Variants in YAP1 observed in about 807,000 individuals in gnomAD.
The protein encoded by YAP1 is Yes1 associated transcriptional regulator.
A neutral mutation model predicts 56.9 loss-of-function variants in YAP1; 5 were observed. The observed-to-expected ratio is 0.09, with a 90% CI of 0.05 to 0.18. YAP1 has a LOEUF of 0.18. YAP1 is among the 10% of genes least tolerant of loss of function. YAP1 has a pLI of 1.00. For missense variants in YAP1, 539 were observed against 651.8 expected, an observed-to-expected ratio of 0.83 and a Z score of 1.88; for synonymous variants, 265 against 248.1, an observed-to-expected ratio of 1.07 and a Z score of -0.64.
At chr11:102,188,547 A>T (rs1291501938) in intron 4 of YAP1, among the ~76,000 whole-genome samples, 1 of 152,198 alleles carries the variant, frequency 6.6e-6, no homozygotes, top group African/African-American at 2.4e-5. Context: ...GTGGTCCTAT[A>T]TGATTCTAAT....
At chr11:102,189,469 G>T (rs1948162119) in intron 4 of YAP1, among the ~76,000 whole-genome samples, 3 of 152,180 alleles carry the variant, frequency 2.0e-5, no homozygotes, top group Admixed American at 2.0e-4. Context: ...AATAAGTGCT[G>T]ATGGCACCAC....
intron 2 of YAP1, among the ~76,000 whole-genome samples, chr11:102,125,350 T>C (rs568127538): frequency 4.4e-4 from 47 of 107,724 alleles, no homozygotes; most frequent in African/African-American, 1.3e-3. Flanking sequence ...AAAAGCTATT[T>C]CTCATTCTTT....
At chr11:102,122,378 T>A (rs1943711746) in intron 2 of YAP1, among the ~76,000 whole-genome samples, 1 of 150,362 alleles carries the variant, frequency 6.7e-6, no homozygotes, top group Non-Finnish European at 1.5e-5. Flanking sequence ...TGAGCCAACA[T>A]CACGCCACTG....
chr11:102,183,796 G>A (rs1383600609), intron 3 of YAP1, among the ~76,000 whole-genome samples: 1 of 151,824 alleles, frequency 6.6e-6, no homozygotes, highest in Non-Finnish European at 1.5e-5. Flanking sequence ...TACAATGAGG[G>A]CCGGGCGCGG....
chr11:102,206,113 G>T, intron 5 of YAP1, 39 bp downstream of exon 5: 1 of 1,576,186 alleles, frequency 6.3e-7, no homozygotes, highest in Non-Finnish European at 8.6e-7. Context: ...CCACTTTTGG[G>T]GGTTTGTTTT....
chr11:102,138,044 C>T (rs1162596007), intron 2 of YAP1, among the ~76,000 whole-genome samples: 1 of 152,142 alleles, frequency 6.6e-6, no homozygotes, highest in African/African-American at 2.4e-5. Context: ...CGTGCCACCA[C>T]GCCTGGCTAA....
intron 3 of YAP1, among the ~76,000 whole-genome samples, chr11:102,169,137 T>A (rs192951609): frequency 1.3e-5 from 2 of 152,340 alleles, no homozygotes; most frequent in African/African-American, 4.8e-5. Flanking sequence ...TCTACCTGTA[T>A]TCTTCACTTA....
At chr11:102,155,172 G>A (rs1468528988) in intron 2 of YAP1, among the ~76,000 whole-genome samples, 1 of 152,030 alleles carries the variant, frequency 6.6e-6, no homozygotes, top group African/African-American at 2.4e-5. Flanking sequence ...GATTGTGGAA[G>A]GCCCTGAAAG....
rs1591487374 is a variant in YAP1, at chr11:102,230,096, G to C, written c.*156G>C. ...TTAATCCTCTATTTTGCTCTTCCTT[G>C]TCCATTGCTGCTGTTAATGTATTGC... On this transcript the variant is annotated 3_prime_UTR_variant, in exon 9 of 9. Transcript: ENST00000282441. The C allele has an allele frequency of 2.9e-5, 19 of 645,570 alleles. No homozygotes were observed. The East Asian group carries it at 4.9e-4, about 17-fold the overall frequency. The allele number at this position is 645,570 out of a possible 1,614,324, so 40.0% of individuals were successfully genotyped here.
intron 4 of YAP1, among the ~76,000 whole-genome samples, chr11:102,203,711 A>G (rs1467065339): frequency 6.6e-6 from 1 of 152,250 alleles, no homozygotes; most frequent in Non-Finnish European, 1.5e-5. Flanking sequence ...GAAACATAAA[A>G]ATATATTCCA....
intron 4 of YAP1, among the ~76,000 whole-genome samples, chr11:102,198,386 T>G (rs1391909203): frequency 6.6e-6 from 1 of 152,192 alleles, no homozygotes; most frequent in Non-Finnish European, 1.5e-5. Flanking sequence ...CACTTTATTT[T>G]TGTGTAATTT....
At chr11:102,118,609 GGT>G (rs1245840304) in intron 2 of YAP1, among the ~76,000 whole-genome samples, 1 of 151,532 alleles carries the variant, frequency 6.6e-6, no homozygotes, top group Non-Finnish European at 1.5e-5. Flanking sequence ...AAATTAGCCG[GGT>G]GTGTTGGCGC....
chr11:102,152,568 T>C (rs1352196301), intron 2 of YAP1, among the ~76,000 whole-genome samples: 1 of 152,244 alleles, frequency 6.6e-6, no homozygotes, highest in Non-Finnish European at 1.5e-5. Context: ...ATGAAACAGT[T>C]GGTCAGGTGG....
At chr11:102,155,664 C>G (rs1275726545) in intron 2 of YAP1, among the ~76,000 whole-genome samples, 1 of 152,220 alleles carries the variant, frequency 6.6e-6, no homozygotes, top group Non-Finnish European at 1.5e-5. Context: ...ATTTTCCTGA[C>G]TCTTTTCCTG....
intron 1 of YAP1, among the ~76,000 whole-genome samples, chr11:102,113,723 A>C (rs1405667414): frequency 6.6e-6 from 1 of 152,288 alleles, no homozygotes; most frequent in East Asian, 1.9e-4. Context: ...ATTACTTAAA[A>C]CCTAGTAAAA....
At chr11:102,179,565 C>G (rs147186304) in intron 3 of YAP1, among the ~76,000 whole-genome samples, 1 of 152,144 alleles carries the variant, frequency 6.6e-6, no homozygotes, top group Non-Finnish European at 1.5e-5. Flanking sequence ...TGCCCATGCC[C>G]GGAATGTCAC....
intron 1 of YAP1, among the ~76,000 whole-genome samples, chr11:102,111,486 G>C (rs1299843091): frequency 5.6e-5 from 8 of 144,048 alleles, no homozygotes; most frequent in Non-Finnish European, 1.5e-5. Context: ...TGGCGGGAGT[G>C]GAGGAGGGGT....
At position 102,232,670 on chromosome 11, in the gene YAP1, C is replaced by T. The variant is rs1048795854; in HGVS notation, c.*2730C>T. On this transcript the variant is annotated 3_prime_UTR_variant, in exon 9 of 9. Coordinates refer to ENST00000282441, the MANE Select transcript of YAP1 (RefSeq NM_001130145.3). ...ACTGCTTCTTGGTTGTATTGGGTAGCATTGGGATAAGATTTTAACTGGGTA... is the reference window on the plus strand; with the variant it reads ...ACTGCTTCTTGGTTGTATTGGGTAGTATTGGGATAAGATTTTAACTGGGTA... 2.6e-5 allele frequency: 4 copies of T among 152,704 alleles called. No homozygotes were observed. Among genetic ancestry groups the T allele is most frequent in the South Asian group, 2.1e-4 (1 of 4,824 alleles). 9.5% of individuals were successfully genotyped at this position (152,704 alleles called of 1,614,324 possible).
chr11:102,114,467 A>T, intron 2 of YAP1, 73 bp downstream of exon 2: 1 of 1,504,654 alleles, frequency 6.6e-7, no homozygotes, highest in Non-Finnish European at 9.0e-7. Context: ...AAGTGGTGTC[A>T]AGATACAGAA....
Sources: allele counts gnomAD v4.1 joint callset (sites outside exome capture counted in the v4.1 genomes callset), GRCh38; gene constraint gnomAD v4.1.1; transcripts MANE v1.5; gene names NCBI Gene and HGNC (gene_info 2026-07-23, HGNC 2026-07-21).